DCUN1D2: variants seen among roughly 807,000 people sequenced by gnomAD.
The protein encoded by DCUN1D2 is DCN1-like protein 2.
Under a neutral mutation model 30.9 loss-of-function variants are expected in DCUN1D2, and 29 were observed. The observed-to-expected ratio is 0.94, with a 90% confidence interval of 0.70 to 1.28. The LOEUF (loss-of-function observed/expected upper bound fraction) is 1.28, where lower values mean the gene tolerates loss of function less well. DCUN1D2 is among the 50% of genes most tolerant of loss of function. The pLI, the probability that DCUN1D2 is intolerant of heterozygous loss-of-function variation, is 0.00. For missense variants in DCUN1D2, 325 were observed against 316.9 expected, an observed-to-expected ratio of 1.03 and a Z score of -0.19; for synonymous variants, 121 against 115.3, an observed-to-expected ratio of 1.05 and a Z score of -0.32.
chr13:113,469,772 G>A (rs999577096), intron 4 of DCUN1D2, among the ~76,000 whole-genome samples: 5 of 149,076 alleles, frequency 3.4e-5, no homozygotes, highest in Non-Finnish European at 7.6e-5. Flanking sequence ...CCAAGAATTC[G>A]AGGCTGCAGT....
intron 1 of DCUN1D2, chr13:113,484,266 T>C: frequency 9.6e-7 from 1 of 1,036,400 alleles, no homozygotes; most frequent in South Asian, 1.7e-5. Flanking sequence ...TTATGAGAAT[T>C]AACATTTTAT....
chr13:113,476,569 G>C (rs986274533), intron 3 of DCUN1D2, among the ~76,000 whole-genome samples: 4 of 152,064 alleles, frequency 2.6e-5, no homozygotes, highest in African/African-American at 9.7e-5. Flanking sequence ...CCTTTGCCAG[G>C]AATTTTTAAA....
In DCUN1D2 at chr13:113,459,192, G is replaced by A. The variant is rs753041115; in HGVS notation, c.700+120C>T. On this transcript the variant is annotated intron_variant, in intron 6 of 6. Transcript: ENST00000478244. Reference sequence around the variant, plus strand: ...ATGATTTACAGAAAATAATAAGGAAGGGGGTAGTATTATGACCACGCCCAT... The same window carrying A: ...ATGATTTACAGAAAATAATAAGGAAAGGGGTAGTATTATGACCACGCCCAT... The A allele has an allele frequency of 8.8e-4, 541 of 612,026 alleles. 3 individuals carry two copies. The highest frequency in any genetic ancestry group is 2.1e-3 in the Admixed American group (79 of 37,786). 37.9% of individuals were successfully genotyped at this position (612,026 alleles called of 1,614,324 possible). A position where few individuals can be genotyped will look rare whatever the true frequency, so the allele number is the denominator to read the frequency against.
At position 113,483,913 on chromosome 13, in the gene DCUN1D2, GTC is replaced by G. The variant is rs1566506700; in HGVS notation, c.145_146del (p.Asp49LeufsTer29). The G allele has an allele frequency of 3.1e-6, 5 of 1,614,022 alleles. No individual in the cohort carries two copies. Among genetic ancestry groups the G allele is most frequent in the Middle Eastern group, 1.7e-4 (1 of 5,882 alleles). On this transcript the variant is annotated frameshift_variant, in exon 2 of 7. Coordinates refer to ENST00000478244, the MANE Select transcript of DCUN1D2 (RefSeq NM_001014283.2). LOFTEE classifies it high-confidence loss of function. ...TCCGCATGGACTCCCTGTGGAGCGA[GTC>G]TGGGTTTTGGAAGAAGCTGTCCGTG... ...EATDSFFQNP[D>X]SLHRESMRNA...
upstream of DCUN1D2, chr13:113,490,794 G>A (rs944809827): frequency 1.1e-6 from 1 of 909,862 alleles, no homozygotes. This position sits in a 1 kb window ranked among gnomAD's most constrained non-coding sequence, Gnocchi z 5.2. Context: ...CGGCCGCGGG[G>A]ACTCCCACTC....
In DCUN1D2 at chr13:113,483,924, GGAA is replaced by G; in HGVS notation, c.133_135del (p.Phe45del). 6.2e-7 allele frequency: 1 copy of G among 1,614,074 alleles called. No homozygotes were observed. Among genetic ancestry groups the G allele is most frequent in the Non-Finnish European group, 8.5e-7 (1 of 1,180,050 alleles). On this transcript the variant is annotated inframe_deletion, in exon 2 of 7. Coordinates refer to ENST00000478244, the MANE Select transcript of DCUN1D2 (RefSeq NM_001014283.2). ...TCCCTGTGGAGCGAGTCTGGGTTTT[GGAA>G]GAAGCTGTCCGTGGCCTCGTCTAGT...
At chr13:113,471,920 G>A (rs749898063) in intron 4 of DCUN1D2, among the ~76,000 whole-genome samples, 32 of 152,190 alleles carry the variant, frequency 2.1e-4, no homozygotes, top group Admixed American at 3.9e-4. Flanking sequence ...GGCTGCTGGG[G>A]AACACAGAGC....
At position 113,458,234 on chromosome 13, in the gene DCUN1D2, T is replaced by C; in HGVS notation, c.701-126A>G. ...AATGACTTGAGGTCCACACCATTTGTGTTTCACAGAATGAACCAGCCCAAG... is the reference window on the plus strand; with the variant it reads ...AATGACTTGAGGTCCACACCATTTGCGTTTCACAGAATGAACCAGCCCAAG... On this transcript the variant is annotated intron_variant, in intron 6 of 6. Transcript: ENST00000478244. 4 of 836,976 alleles carry C rather than the reference T, an allele frequency of 4.8e-6. No homozygotes were observed. In the South Asian group the frequency reaches 5.9e-5, roughly 12 times the overall value. 51.8% of individuals were successfully genotyped at this position (836,976 alleles called of 1,614,324 possible).
At position 113,473,493 on chromosome 13, in the gene DCUN1D2, A is replaced by G. The variant is rs545535530; in HGVS notation, c.520+631T>C. Among the ~76,000 whole-genome samples, 3 of 152,364 alleles carry G rather than the reference A, an allele frequency of 2.0e-5. No homozygotes were observed. In the South Asian group the frequency reaches 6.2e-4, roughly 32 times the overall value. On this transcript the variant is annotated intron_variant, in intron 4 of 6. Coordinates refer to ENST00000478244, the MANE Select transcript of DCUN1D2 (RefSeq NM_001014283.2). The stretch of plus-strand genomic sequence containing the variant: ...AAAATAAAACGCAAAAGTGGGCTGA[A>G]TTGTTGGTATGCGGGCTGGGTCTAT...
At chr13:113,482,341 G>T (rs2044724939) in intron 2 of DCUN1D2, among the ~76,000 whole-genome samples, 2 of 152,136 alleles carry the variant, frequency 1.3e-5, no homozygotes, top group South Asian at 4.1e-4. Context: ...TTATACACAA[G>T]TATTTTTTCA....
At position 113,459,364 on chromosome 13, in the gene DCUN1D2, C is replaced by A. The variant is rs2044280593; in HGVS notation, c.648G>T (p.Leu216=). The A allele has an allele frequency of 6.2e-7, 1 of 1,602,778 alleles. No homozygotes were observed. The highest frequency in any genetic ancestry group is 8.5e-7 in the Non-Finnish European group (1 of 1,170,004). Residue 216 remains leucine, a synonymous_variant, in exon 6 of 7, where the codon CTG becomes CTT. Coordinates refer to ENST00000478244, the MANE Select transcript of DCUN1D2 (RefSeq NM_001014283.2). ...RSIPRDTWNL[L]LDFGNMIADD... Reference sequence around the variant, plus strand: ...CCGCAATCATGTTTCCAAAGTCCAGCAGGAGGTTCCAGGTGTCCCTTGGAA... The same window carrying A: ...CCGCAATCATGTTTCCAAAGTCCAGAAGGAGGTTCCAGGTGTCCCTTGGAA...
intron 3 of DCUN1D2, among the ~76,000 whole-genome samples, chr13:113,478,434 C>G (rs1161165696): frequency 6.6e-6 from 1 of 151,860 alleles, no homozygotes; most frequent in Non-Finnish European, 1.5e-5. Context: ...TTTCAAATAA[C>G]AAGCTTCTAG....
rs1348085626 is a variant in DCUN1D2, at chr13:113,480,748, A to G, written c.221-5T>C. 1 of 1,613,196 alleles carries G rather than the reference A, an allele frequency of 6.2e-7. No individual in the cohort carries two copies. The highest frequency in any genetic ancestry group is 1.1e-5 in the South Asian group (1 of 90,726). ...TTTTGTTTTCATCTTGTGGATCTGT[A>G]GTTAATATCAGGGGAAAAGGAAGTT... On this transcript the variant is annotated splice_region_variant and splice_polypyrimidine_tract_variant and intron_variant, in intron 2 of 6. Coordinates refer to ENST00000478244, the MANE Select transcript of DCUN1D2 (RefSeq NM_001014283.2).
intron 4 of DCUN1D2, among the ~76,000 whole-genome samples, chr13:113,470,860 A>C (rs112304703): frequency 0.04 from 2,293 of 57,194 alleles, no homozygotes; most frequent in Middle Eastern, 0.093. Flanking sequence ...GGGGACCCAA[A>C]TCCACAGGGA....
In DCUN1D2 at chr13:113,490,694, C is replaced by T. The variant is rs1184871515; in HGVS notation, c.-25G>A. 2 of 1,219,778 alleles carry T rather than the reference C, an allele frequency of 1.6e-6. No homozygotes were observed. Among genetic ancestry groups the T allele is most frequent in the Non-Finnish European group, 1.0e-6 (1 of 979,078 alleles). 75.6% of individuals were successfully genotyped at this position (1,219,778 alleles called of 1,614,324 possible). ...TCTCCCCCGCGCCGCCCGCTTCTGGCCGGCCCCGGCCTTCTGCGCAGGCGC... is the reference window on the plus strand; with the variant it reads ...TCTCCCCCGCGCCGCCCGCTTCTGGTCGGCCCCGGCCTTCTGCGCAGGCGC... On this transcript the variant is annotated 5_prime_UTR_variant, in exon 1 of 7. Coordinates refer to ENST00000478244, the MANE Select transcript of DCUN1D2 (RefSeq NM_001014283.2). The surrounding 1 kb of genome is among the most constrained non-coding windows in gnomAD (Gnocchi z 5.2).
At chr13:113,474,386 A>T (rs191610295) in intron 3 of DCUN1D2, 132 bp from the exon 4 acceptor site, 159 of 1,266,606 alleles carry the variant, frequency 1.3e-4, no homozygotes, top group Admixed American at 3.0e-4. Context: ...TTCCTTTCCC[A>T]GGCGCGGCCT....
Position 113,474,264 on chromosome 13 carries a change from C to CAA in DCUN1D2, c.390-11_390-10insTT. On this transcript the variant is annotated splice_polypyrimidine_tract_variant and intron_variant, in intron 3 of 6. Transcript: ENST00000478244. ...CTCCATGCTGTCACACCTGCGATGA[C>CAA]AGAGAGTGGTTTGTCTTGCAGCAGA... 6.2e-7 allele frequency: 1 copy of CAA among 1,613,162 alleles called. No homozygotes were observed. Among genetic ancestry groups the CAA allele is most frequent in the Non-Finnish European group, 8.5e-7 (1 of 1,179,314 alleles).
At chr13:113,468,252 A>G (rs1595572886) in intron 4 of DCUN1D2, among the ~76,000 whole-genome samples, 1 of 152,190 alleles carries the variant, frequency 6.6e-6, no homozygotes, top group Non-Finnish European at 1.5e-5. Context: ...ACAACAAAAC[A>G]TTATACCAAG....
chr13:113,480,712 ATCGACT>A lies in DCUN1D2; in HGVS notation c.246_251del (p.Val83_Asp84del), dbSNP rs2044693274. ...GATCATCACAAAACTGTTGAATCCC[ATCGACT>A]CCAATTTTGTTTTCATCTTGTGGAT... is the stretch of plus-strand genomic sequence containing the variant. On this transcript the variant is annotated inframe_deletion, in exon 3 of 7. Coordinates refer to ENST00000478244, the MANE Select transcript of DCUN1D2 (RefSeq NM_001014283.2). 12 of 1,611,702 alleles carry A rather than the reference ATCGACT, an allele frequency of 7.4e-6. No individual in the cohort carries two copies. Among genetic ancestry groups the A allele is most frequent in the Non-Finnish European group, 1.0e-5 (12 of 1,178,708 alleles).
Sources: gnomAD v4.1 joint callset for allele counts (sites outside exome capture counted in the v4.1 genomes callset) on GRCh38, gnomAD v4.1.1 for gene constraint, Gnocchi (gnomAD v3.1) non-coding constraint, MANE v1.5 for transcripts, NCBI Gene and HGNC (gene_info 2026-07-23, HGNC 2026-07-21) for gene names.